Variants in C1QTNF7 observed in about 807,000 individuals in gnomAD.
C1QTNF7 encodes complement C1q tumor necrosis factor-related protein 7.
In C1QTNF7, 15 loss-of-function variants were observed where a neutral mutation model predicts 19.6. The observed-to-expected ratio is 0.76, with a 90% CI of 0.51 to 1.18. The LOEUF is 1.18. Ranked by LOEUF, C1QTNF7 falls within the 50% of genes most tolerant of loss-of-function variation. C1QTNF7 has a pLI of 0.00. For missense variants in C1QTNF7, 324 were observed against 359.7 expected (o/e 0.90, Z 0.80); for synonymous variants, 142 against 137.5 (o/e 1.03, Z -0.23).
At chr4:15,417,753 T>C (rs932270599) in intron 1 of C1QTNF7, among the ~76,000 whole-genome samples, 3 of 151,032 alleles carry the variant, frequency 2.0e-5, no homozygotes, top group African/African-American at 7.3e-5. Flanking sequence ...AGAAAAGAGG[T>C]TTAATTGGCT....
intron 2 of C1QTNF7, 135 bp downstream of exon 2, chr4:15,436,116 G>A (rs1712526745): frequency 7.9e-7 from 1 of 1,259,068 alleles, no homozygotes; most frequent in Non-Finnish European, 1.1e-6. Flanking sequence ...AACTTACTGA[G>A]CCCTTACTAG....
chr4:15,441,894 G>A (rs113298299), intron 2 of C1QTNF7, among the ~76,000 whole-genome samples: 15 of 152,082 alleles, frequency 9.9e-5, no homozygotes, highest in South Asian at 8.3e-4. Context: ...AGTGGCAGGC[G>A]CCTATAATCC....
At chr4:15,423,750 G>A (rs1711900532), upstream of C1QTNF7, among the ~76,000 whole-genome samples, 2 of 152,082 alleles carry the variant, frequency 1.3e-5, no homozygotes, top group Non-Finnish European at 2.9e-5. Flanking sequence ...TCCACCTCAG[G>A]GCCTTTGCAT....
At chr4:15,362,815 A>G (rs894297581) in intron 1 of C1QTNF7, among the ~76,000 whole-genome samples, 2 of 152,336 alleles carry the variant, frequency 1.3e-5, no homozygotes, top group South Asian at 2.1e-4. Context: ...TTCACTTTTC[A>G]GTAGTAACAA....
chr4:15,381,862 T>A (rs1018483921), intron 1 of C1QTNF7: 1 of 152,210 alleles, frequency 6.6e-6, no homozygotes, highest in African/African-American at 2.4e-5. Flanking sequence ...ACAAATCTAC[T>A]GAATGGTGTG....
chr4:15,420,785 T>C (rs1449709128), intron 1 of C1QTNF7, among the ~76,000 whole-genome samples: 2 of 150,678 alleles, frequency 1.3e-5, no homozygotes, highest in African/African-American at 4.9e-5. Context: ...CATGAAGATT[T>C]CTGCTAGTTT....
rs1237395858 is a variant in C1QTNF7 at position 15,445,488 on chromosome 4, T to G, written c.*2689T>G. On this transcript the variant is annotated 3_prime_UTR_variant, in exon 3 of 3. Coordinates refer to ENST00000444304, the MANE Select transcript of C1QTNF7 (RefSeq NM_031911.5). Reference sequence around the variant, plus strand: ...TGTTTCTTTTATTACAAAGCCTATTTTGAGTAGCTTTTAAAACTGAATTTC... The same window carrying G: ...TGTTTCTTTTATTACAAAGCCTATTGTGAGTAGCTTTTAAAACTGAATTTC... The G allele has an allele frequency of 6.6e-6, 1 of 152,244 alleles. No individual in the cohort carries two copies. The highest frequency in any genetic ancestry group is 1.5e-5 in the Non-Finnish European group (1 of 68,044). The allele number at this position is 152,244 out of a possible 1,614,324, so 9.4% of individuals were successfully genotyped here.
At position 15,428,036 on chromosome 4, in the gene C1QTNF7, G is replaced by A. The variant is rs1250977048; in HGVS notation, c.-79G>A. On this transcript the variant is annotated 5_prime_UTR_variant, in exon 1 of 3. Coordinates refer to ENST00000444304, the MANE Select transcript of C1QTNF7 (RefSeq NM_031911.5). ...CTGGTACCAAAGCAAGTTTTTCACT[G>A]AGCTCTCATGAAAGATCCTCAGTCT... 1 of 985,242 alleles carries A rather than the reference G, an allele frequency of 1.0e-6. No individual in the cohort carries two copies. The highest frequency in any genetic ancestry group is 1.2e-6 in the Non-Finnish European group (1 of 829,920). 61.0% of individuals were successfully genotyped at this position (985,242 alleles called of 1,614,324 possible).
chr4:15,397,520 C>A (rs1718830677), intron 1 of C1QTNF7, among the ~76,000 whole-genome samples: 1 of 152,200 alleles, frequency 6.6e-6, no homozygotes, highest in African/African-American at 2.4e-5. Context: ...GAGTGTGCCT[C>A]TGCACCTCTG....
At chr4:15,400,500 G>A (rs1718945299) in intron 1 of C1QTNF7, among the ~76,000 whole-genome samples, 1 of 152,152 alleles carries the variant, frequency 6.6e-6, no homozygotes, top group East Asian at 1.9e-4. Context: ...ATCTGAAACC[G>A]TCTGCAACAA....
intron 1 of C1QTNF7, among the ~76,000 whole-genome samples, chr4:15,408,075 T>A (rs1193636124): frequency 6.6e-6 from 1 of 152,050 alleles, no homozygotes; most frequent in African/African-American, 2.4e-5. Flanking sequence ...GAGAGCAGCC[T>A]GGCCAATATG....
At chr4:15,415,936 T>G (rs987966710) in intron 1 of C1QTNF7, among the ~76,000 whole-genome samples, 4 of 152,216 alleles carry the variant, frequency 2.6e-5, no homozygotes, top group Admixed American at 1.3e-4. Context: ...TAACTAATCT[T>G]TAATTATAGA....
intron 1 of C1QTNF7, chr4:15,374,468 GA>G: frequency 1.5e-6 from 1 of 672,424 alleles, no homozygotes; most frequent in South Asian, 6.7e-5. Context: ...GATAAAGAAG[GA>G]TATTTATTTT....
rs1374853465 is a variant in C1QTNF7 at position 15,443,081 on chromosome 4, C to G, written c.*282C>G. 2.1e-5 allele frequency: 5 copies of G among 234,368 alleles called. No homozygotes were observed. The highest frequency in any genetic ancestry group is 4.1e-5 in the Non-Finnish European group (5 of 121,618). 14.5% of individuals were successfully genotyped at this position (234,368 alleles called of 1,614,324 possible). On this transcript the variant is annotated 3_prime_UTR_variant, in exon 3 of 3. Coordinates refer to ENST00000444304, the MANE Select transcript of C1QTNF7 (RefSeq NM_031911.5). ...TGTTAACAAATTTTCTATTAAATGC[C>G]CTGAGTGATAAAACCAGTTGGCAAT...
chr4:15,347,048 C>G (rs1191408801), intron 1 of C1QTNF7, among the ~76,000 whole-genome samples: 1 of 152,212 alleles, frequency 6.6e-6, no homozygotes, highest in African/African-American at 2.4e-5. Flanking sequence ...AAAATGGCAA[C>G]TTTATATGAT....
Position 15,442,420 on chromosome 4 carries a change from C to A in C1QTNF7, c.491C>A (p.Pro164His). 3 of 1,614,162 alleles carry A rather than the reference C, an allele frequency of 1.9e-6. No individual in the cohort carries two copies. The highest frequency in any genetic ancestry group is 2.5e-6 in the Non-Finnish European group (3 of 1,180,026). ...ITTSYPEERL[P>H]IIFNKVLFNE... The stretch of plus-strand genomic sequence containing the variant: ...ACCAGCTACCCAGAAGAAAGACTAC[C>A]TATTATATTTAACAAGGTCCTCTTC... Residue 164 changes from proline (P) to histidine (H), a missense_variant, in exon 3 of 3, where the codon CCT (proline) becomes CAT (histidine). Transcript: ENST00000444304.
chr4:15,369,482 A>G (rs1227277602), intron 1 of C1QTNF7, among the ~76,000 whole-genome samples: 2 of 152,210 alleles, frequency 1.3e-5, no homozygotes, highest in Non-Finnish European at 2.9e-5. Context: ...ATTATCTTCA[A>G]GAATGATAGC....
chr4:15,410,266 A>C (rs150269665), intron 1 of C1QTNF7, among the ~76,000 whole-genome samples: 74 of 152,296 alleles, frequency 4.9e-4, no homozygotes, highest in African/African-American at 1.7e-3. Context: ...TAATTATGTT[A>C]CTAAATATAT....
intron 1 of C1QTNF7, among the ~76,000 whole-genome samples, chr4:15,381,599 G>A (rs757087337): frequency 6.6e-6 from 1 of 152,056 alleles, no homozygotes; most frequent in Non-Finnish European, 1.5e-5. Flanking sequence ...CTGGACTACA[G>A]GTTCTTCATA....
Sources: gnomAD v4.1 joint callset for allele counts (sites outside exome capture counted in the v4.1 genomes callset) on GRCh38, gnomAD v4.1.1 for gene constraint, MANE v1.5 for transcripts, NCBI Gene and HGNC (gene_info 2026-07-23, HGNC 2026-07-21) for gene names.